CRMP1: variants seen among roughly 807,000 people sequenced by gnomAD.
CRMP1 encodes collapsin response mediator protein 1.
CRMP1 carries 19 observed loss-of-function variants against 68.3 expected under a neutral mutation model. That is an observed-to-expected ratio of 0.28 (90% CI 0.19 to 0.41). The LOEUF (loss-of-function observed/expected upper bound fraction) is 0.41, where lower values mean the gene tolerates loss of function less well. CRMP1 is among the 10% of genes least tolerant of loss of function. The probability of loss-of-function intolerance (pLI) is 1.00; values close to 1 mark genes in which losing one functional copy is unlikely to be tolerated. For missense variants in CRMP1, 791 were observed against 967.4 expected (o/e 0.82, Z 2.42); for synonymous variants, 439 against 399.6 (o/e 1.10, Z -1.18).
chr4:5,875,706 A>C lies in CRMP1; in HGVS notation c.382-8950T>G, dbSNP rs1379144033. Reference sequence around the variant, plus strand: ...TCCAGGTACTGTGGGTAGGTGAGGAACAGGTGGGGGTTGGTGCTGTCCGCG... The same window carrying C: ...TCCAGGTACTGTGGGTAGGTGAGGACCAGGTGGGGGTTGGTGCTGTCCGCG... On this transcript the variant is annotated intron_variant, in intron 1 of 13. Coordinates refer to ENST00000324989, the MANE Select transcript of CRMP1 (RefSeq NM_001014809.3). 4.7e-5 allele frequency among the ~76,000 whole-genome samples: 7 copies of C among 148,490 alleles called. 1 individual carries two copies. Among genetic ancestry groups the C allele is most frequent in the African/African-American group, 1.8e-4 (7 of 39,538 alleles).
rs986779526 is a variant in CRMP1, at chr4:5,861,776, A to G, written c.471-566T>C. On this transcript the variant is annotated intron_variant, in intron 2 of 13. Coordinates refer to ENST00000324989, the MANE Select transcript of CRMP1 (RefSeq NM_001014809.3). The surrounding 1 kb of genome is among the most constrained non-coding windows in gnomAD (Gnocchi z 6.0). ...GGGAAGAGGCTCAGCCAGAACCAGG[A>G]AAGGAACCCTGCAGCATCCAAGGTT... 8.5e-5 allele frequency among the ~76,000 whole-genome samples: 13 copies of G among 152,308 alleles called. No individual in the cohort carries two copies. The highest frequency in any genetic ancestry group is 6.5e-4 in the Admixed American group (10 of 15,300).
At position 5,837,036 on chromosome 4, in the gene CRMP1, ACT is replaced by A. The variant is rs984439783; in HGVS notation, c.1311-132_1311-131del. Reference sequence around the variant, plus strand: ...ATAAGGAAGCCAGTGGGTAAGAGAGACTCTCTAGCGTGTGCCTGCACGTGTCA... The same window carrying A: ...ATAAGGAAGCCAGTGGGTAAGAGAGACTCTAGCGTGTGCCTGCACGTGTCA... On this transcript the variant is annotated intron_variant, in intron 9 of 13. Transcript: ENST00000324989. 8 of 1,055,596 alleles carry A rather than the reference ACT, an allele frequency of 7.6e-6. No homozygotes were observed. In the East Asian group the frequency reaches 1.5e-4, roughly 20 times the overall value. 65.4% of individuals were successfully genotyped at this position (1,055,596 alleles called of 1,614,324 possible). A position where few individuals can be genotyped will look rare whatever the true frequency, so the allele number is the denominator to read the frequency against.
intron 12 of CRMP1, chr4:5,828,181 C>T: frequency 1.0e-6 from 1 of 985,412 alleles, no homozygotes; most frequent in African/African-American, 1.7e-5. Flanking sequence ...GGCAGGATTA[C>T]TTAAGATGAC....
chr4:5,862,200 C>T (rs998264453), intron 2 of CRMP1, among the ~76,000 whole-genome samples: 2 of 152,246 alleles, frequency 1.3e-5, no homozygotes, highest in African/African-American at 4.8e-5. Context: ...ATCACCACCA[C>T]CGCTGCTTTT....
rs1368261576 is a variant in CRMP1, at chr4:5,835,996, C to A, written c.1542G>T (p.Arg514=). 1 of 1,606,834 alleles carries A rather than the reference C, an allele frequency of 6.2e-7. No homozygotes were observed. Among genetic ancestry groups the A allele is most frequent in the Admixed American group, 1.7e-5 (1 of 59,220 alleles). ...KIFNLYPRKG[R]IAVGSDADVV... Reference sequence around the variant, plus strand: ...CGTCGGCATCCGAGCCCACGGCAATCCGCCCTTTCCTTGGGTACAGGTTAA... The same window carrying A: ...CGTCGGCATCCGAGCCCACGGCAATACGCCCTTTCCTTGGGTACAGGTTAA... The change falls in exon 11 of 14, where the codon CGG becomes CGT. Residue 514 remains arginine (R), a synonymous_variant. Transcript: ENST00000324989.
chr4:5,866,211 C>T lies in CRMP1; in HGVS notation c.470+457G>A, dbSNP rs1713988200. On this transcript the variant is annotated intron_variant, in intron 2 of 13. Coordinates refer to ENST00000324989, the MANE Select transcript of CRMP1 (RefSeq NM_001014809.3). This position sits in a 1 kb window ranked among gnomAD's most constrained non-coding sequence, Gnocchi z 5.9. Reference sequence around the variant, plus strand: ...GCCAAGGCTGGGCTTGGAAGCCACACATTCCTCCTTCCTCTCTGCTCTCCT... The same window carrying T: ...GCCAAGGCTGGGCTTGGAAGCCACATATTCCTCCTTCCTCTCTGCTCTCCT... 6.6e-6 allele frequency among the ~76,000 whole-genome samples: 1 copy of T among 152,168 alleles called. No homozygotes were observed. Among genetic ancestry groups the T allele is most frequent in the South Asian group, 2.1e-4 (1 of 4,828 alleles).
In CRMP1 at chr4:5,842,445, AAAG is replaced by A; in HGVS notation, c.1032+645_1032+647del. 6.6e-6 allele frequency among the ~76,000 whole-genome samples: 1 copy of A among 151,246 alleles called. No individual in the cohort carries two copies. The highest frequency in any genetic ancestry group is 2.1e-4 in the South Asian group (1 of 4,802). ...CTCCATCTCAAAAAAAAAAAAAAAA[AAAG>A]AAAAGAAAGAAAGAAAGTAAAAAGA... On this transcript the variant is annotated intron_variant, in intron 7 of 13. Coordinates refer to ENST00000324989, the MANE Select transcript of CRMP1 (RefSeq NM_001014809.3). This position sits in a 1 kb window ranked among gnomAD's most constrained non-coding sequence, Gnocchi z 4.5.
intron 2 of CRMP1, among the ~76,000 whole-genome samples, chr4:5,863,115 C>CTTTT (rs35515710): frequency 0.036 from 5,002 of 139,814 alleles, 127 homozygotes; most frequent in Non-Finnish European, 0.055. Flanking sequence ...TCTTTTTTTC[C>CTTTT]TTTTTTTTTT....
chr4:5,840,296 A>G (rs1711619395), intron 8 of CRMP1, among the ~76,000 whole-genome samples: 1 of 152,212 alleles, frequency 6.6e-6, no homozygotes. Flanking sequence ...CTAACTTCCC[A>G]GAAGTTCCTG....
Position 5,858,101 on chromosome 4 carries a change from A to G in CRMP1, c.656-1794T>C, listed in dbSNP as rs1161796978. Among the ~76,000 whole-genome samples, 1 of 152,150 alleles carries G rather than the reference A, an allele frequency of 6.6e-6. No individual in the cohort carries two copies. The highest frequency in any genetic ancestry group is 2.4e-5 in the African/African-American group (1 of 41,442). On this transcript the variant is annotated intron_variant, in intron 3 of 13. Transcript: ENST00000324989. The surrounding 1 kb of genome is among the most constrained non-coding windows in gnomAD (Gnocchi z 5.5). ...TCAGTCTCTTGGCCTCTCAGGGCAC[A>G]GAGAGTCCCTCCCTCCTTCCTTAAA...
chr4:5,851,369 C>A, intron 5 of CRMP1, 39 bp downstream of exon 5: 1 of 1,597,924 alleles, frequency 6.3e-7, no homozygotes, highest in South Asian at 1.1e-5. Context: ...CCCAGTCCTG[C>A]CCAGACAAGA....
At position 5,842,636 on chromosome 4, in the gene CRMP1, A is replaced by G. The variant is rs904770598; in HGVS notation, c.1032+457T>C. Among the ~76,000 whole-genome samples, 4 of 150,396 alleles carry G rather than the reference A, an allele frequency of 2.7e-5. No individual in the cohort carries two copies. Among genetic ancestry groups the G allele is most frequent in the Non-Finnish European group, 4.4e-5 (3 of 67,510 alleles). ...CACACACTCACTCACACACACACACACGCACTGTCTCTCTCACACACACAC... is the reference window on the plus strand; with the variant it reads ...CACACACTCACTCACACACACACACGCGCACTGTCTCTCTCACACACACAC... On this transcript the variant is annotated intron_variant, in intron 7 of 13. Coordinates refer to ENST00000324989, the MANE Select transcript of CRMP1 (RefSeq NM_001014809.3). The surrounding 1 kb of genome is among the most constrained non-coding windows in gnomAD (Gnocchi z 4.5).
intron 3 of CRMP1, among the ~76,000 whole-genome samples, chr4:5,856,534 C>CCATCAT (rs568090383): frequency 6.6e-6 from 1 of 151,392 alleles, no homozygotes; most frequent in Non-Finnish European, 1.5e-5. Context: ...ATTACCATCA[C>CCATCAT]CATCATCATC....
In CRMP1 at chr4:5,872,079, G is replaced by C. The variant is rs1167581688; in HGVS notation, c.382-5323C>G. On this transcript the variant is annotated intron_variant, in intron 1 of 13. Transcript: ENST00000324989. This position sits in a 1 kb window ranked among gnomAD's most constrained non-coding sequence, Gnocchi z 4.6. ...CCACCAAGCCATGCTTCTGTCCCAT[G>C]TTTAAACATTCCCAAACTCTAGAAT... Among the ~76,000 whole-genome samples the C allele has an allele frequency of 1.3e-5, 2 of 152,228 alleles. No homozygotes were observed. The highest frequency in any genetic ancestry group is 3.9e-4 in the East Asian group (2 of 5,174).
intron 3 of CRMP1, 69 bp from the exon 4 acceptor site, chr4:5,856,376 A>T: frequency 7.0e-7 from 1 of 1,419,060 alleles, no homozygotes; most frequent in Non-Finnish European, 9.8e-7. Context: ...CATCATTACC[A>T]CTACCACCAT....
At chr4:5,871,645 G>A (rs1172805378) in intron 1 of CRMP1, among the ~76,000 whole-genome samples, 1 of 152,108 alleles carries the variant, frequency 6.6e-6, no homozygotes, top group Non-Finnish European at 1.5e-5. Flanking sequence ...GGGCAACAGA[G>A]TGAGATTCCC....
chr4:5,829,292 G>A (rs974413962), intron 11 of CRMP1, among the ~76,000 whole-genome samples: 2 of 152,134 alleles, frequency 1.3e-5, no homozygotes, highest in African/African-American at 4.8e-5. Context: ...GGGAGGCTGA[G>A]GTATGAGAAC....
chr4:5,868,951 T>C (rs1317726010), intron 1 of CRMP1, among the ~76,000 whole-genome samples: 2 of 152,098 alleles, frequency 1.3e-5, no homozygotes, highest in African/African-American at 4.8e-5. Context: ...TTGTGTTCCT[T>C]TTCTTTTTTC....
At position 5,839,584 on chromosome 4, in the gene CRMP1, C is replaced by G. The variant is rs778619394; in HGVS notation, c.1248G>C (p.Val416=). ...GGTCCGGGCTCAGGGGAGGGGAAGT[C>G]ACGAACGCCGCAGCCTTGGCCCAGT... ...SKNWAKAAAF[V]TSPPLSPDPT... Residue 416 remains valine, a synonymous_variant, in exon 9 of 14, where the codon GTG becomes GTC. Transcript: ENST00000324989. 6.2e-7 allele frequency: 1 copy of G among 1,612,678 alleles called. No individual in the cohort carries two copies. Among genetic ancestry groups the G allele is most frequent in the East Asian group, 2.2e-5 (1 of 44,868 alleles).
Sources: gnomAD v4.1 joint callset for allele counts (sites outside exome capture counted in the v4.1 genomes callset) on GRCh38, gnomAD v4.1.1 for gene constraint, Gnocchi (gnomAD v3.1) non-coding constraint, MANE v1.5 for transcripts, NCBI Gene and HGNC (gene_info 2026-07-23, HGNC 2026-07-21) for gene names.